DDX10: variants seen among roughly 807,000 people sequenced by gnomAD.
DDX10 encodes probable ATP-dependent RNA helicase DDX10.
DDX10 carries 74 observed loss-of-function variants against 104.3 expected under a neutral mutation model. The observed-to-expected ratio is 0.71, with a 90% CI of 0.59 to 0.86. DDX10 has a LOEUF of 0.86. DDX10 is among the 40% of genes least tolerant of loss of function. The pLI is 0.00. For synonymous variants in DDX10, 351 were observed against 353.4 expected (o/e 0.99, Z 0.08); for missense variants, 952 against 1,040.0 (o/e 0.92, Z 1.16).
At chr11:108,749,421 A>G (rs1225841900) in intron 13 of DDX10, among the ~76,000 whole-genome samples, 3 of 152,176 alleles carry the variant, frequency 2.0e-5, no homozygotes, top group Non-Finnish European at 2.9e-5. Context: ...TACTGACAAG[A>G]TGGTATGTTT....
intron 13 of DDX10, among the ~76,000 whole-genome samples, chr11:108,773,145 T>C (rs995816226): frequency 7.2e-5 from 11 of 152,352 alleles, no homozygotes; most frequent in Admixed American, 2.0e-4. Flanking sequence ...CTTTTATTAA[T>C]ACATATGATA....
chr11:108,906,924 TC>T (rs1863604092), intron 16 of DDX10, among the ~76,000 whole-genome samples: 1 of 152,134 alleles, frequency 6.6e-6, no homozygotes, highest in Non-Finnish European at 1.5e-5. Flanking sequence ...TGAATCAGAG[TC>T]CTTAACTGGC....
chr11:108,711,930 A>G (rs993010326), intron 10 of DDX10, among the ~76,000 whole-genome samples: 2 of 152,082 alleles, frequency 1.3e-5, no homozygotes, highest in Non-Finnish European at 1.5e-5. Flanking sequence ...ATAACAGTGG[A>G]TTCATCTTTC....
chr11:108,669,859 C>T (rs1335861427), intron 1 of DDX10, among the ~76,000 whole-genome samples: 1 of 152,136 alleles, frequency 6.6e-6, no homozygotes, highest in Non-Finnish European at 1.5e-5. Flanking sequence ...AAGAGGGTCA[C>T]CACCTAGGAA....
At chr11:108,913,184 G>A (rs995914994) in intron 16 of DDX10, among the ~76,000 whole-genome samples, 1 of 152,024 alleles carries the variant, frequency 6.6e-6, no homozygotes, top group African/African-American at 2.4e-5. Flanking sequence ...AGGTGGTCGG[G>A]GCACAGCTTG....
intron 3 of DDX10, among the ~76,000 whole-genome samples, chr11:108,676,569 C>G (rs949770294): frequency 2.0e-5 from 3 of 152,096 alleles, no homozygotes; most frequent in South Asian, 4.1e-4. Flanking sequence ...GCCTCAGCCT[C>G]CCAAGTAGCT....
At chr11:108,924,234 C>A (rs1038315277) in intron 17 of DDX10, among the ~76,000 whole-genome samples, 9 of 152,182 alleles carry the variant, frequency 5.9e-5, no homozygotes, top group Non-Finnish European at 1.3e-4. Flanking sequence ...TGATTCAACT[C>A]TTACTACCTT....
intron 16 of DDX10, among the ~76,000 whole-genome samples, chr11:108,886,517 C>G (rs1321228302): frequency 1.3e-5 from 2 of 152,100 alleles, no homozygotes; most frequent in African/African-American, 4.8e-5. Flanking sequence ...CTCCTATACC[C>G]CCTGGAAATC....
At chr11:108,736,637 A>C (rs889853052) in intron 13 of DDX10, among the ~76,000 whole-genome samples, 1 of 152,098 alleles carries the variant, frequency 6.6e-6, no homozygotes, top group Non-Finnish European at 1.5e-5. Context: ...CCCTTATAAA[A>C]AGGCTTCTTG....
intron 16 of DDX10, among the ~76,000 whole-genome samples, chr11:108,907,324 C>T (rs1041804292): frequency 3.6e-5 from 5 of 138,452 alleles, no homozygotes; most frequent in Non-Finnish European, 7.7e-5. Flanking sequence ...CAGCATCCTC[C>T]ATTGCCTCTT....
intron 11 of DDX10, among the ~76,000 whole-genome samples, chr11:108,717,583 A>T (rs963641776): frequency 6.6e-6 from 1 of 152,222 alleles, no homozygotes; most frequent in African/African-American, 2.4e-5. Context: ...AAGTGCTGGT[A>T]TTACAAGCGT....
Position 108,769,629 on chromosome 11 carries a change from T to A in DDX10, c.1965+46167T>A, listed in dbSNP as rs77140116. Among the ~76,000 whole-genome samples the A allele has an allele frequency of 2.0e-3, 299 of 152,238 alleles. 2 individuals are homozygous for A. The highest frequency in any genetic ancestry group is 4.4e-3 in the Admixed American group (67 of 15,286). The stretch of plus-strand genomic sequence containing the variant: ...ACAATGATAGGTTGTTTCCATTTTT[T>A]TGTATAATTTTGTATTATGAACTCA... On this transcript the variant is annotated intron_variant, in intron 13 of 17. Transcript: ENST00000322536.
chr11:108,713,339 A>G (rs540658379), intron 10 of DDX10, among the ~76,000 whole-genome samples: 1 of 152,132 alleles, frequency 6.6e-6, no homozygotes, highest in South Asian at 2.1e-4. Flanking sequence ...CACTTTTTGT[A>G]GTTGTTCCAT....
chr11:108,675,744 G>A lies in DDX10; in HGVS notation c.378+18G>A. ...TTGTTCCAGTAAGTACATTGTCATT[G>A]GGTCAGACTGTCTGTTATACAATTT... is the stretch of plus-strand genomic sequence containing the variant. On this transcript the variant is annotated intron_variant, in intron 3 of 17. Coordinates refer to ENST00000322536, the MANE Select transcript of DDX10 (RefSeq NM_004398.4). 6.2e-7 allele frequency: 1 copy of A among 1,612,956 alleles called. No individual in the cohort carries two copies. Among genetic ancestry groups the A allele is most frequent in the Non-Finnish European group, 8.5e-7 (1 of 1,179,630 alleles).
chr11:108,879,190 C>T (rs935719772), intron 16 of DDX10, among the ~76,000 whole-genome samples: 1 of 151,986 alleles, frequency 6.6e-6, no homozygotes, highest in Non-Finnish European at 1.5e-5. Context: ...TTAGTAGAGA[C>T]CGGGTTTCAC....
At chr11:108,773,187 A>G (rs1439788529) in intron 13 of DDX10, among the ~76,000 whole-genome samples, 1 of 152,240 alleles carries the variant, frequency 6.6e-6, no homozygotes, top group Non-Finnish European at 1.5e-5. Flanking sequence ...ACTTATTGTT[A>G]TGAACTTACG....
intron 13 of DDX10, among the ~76,000 whole-genome samples, chr11:108,774,089 T>TA (rs1312537198): frequency 6.6e-6 from 1 of 152,242 alleles, no homozygotes; most frequent in Non-Finnish European, 1.5e-5. Flanking sequence ...TAGTACTGTG[T>TA]AAGCAGTGGA....
At chr11:108,840,410 T>G (rs1489656670) in intron 14 of DDX10, among the ~76,000 whole-genome samples, 3 of 148,884 alleles carry the variant, frequency 2.0e-5, no homozygotes, top group Non-Finnish European at 4.5e-5. Flanking sequence ...AACTAATTAT[T>G]AGATAAAACA....
chr11:108,925,621 A>T (rs1591128507), intron 17 of DDX10, among the ~76,000 whole-genome samples: 1 of 152,160 alleles, frequency 6.6e-6, no homozygotes, highest in East Asian at 1.9e-4. Flanking sequence ...ACTTTCTATC[A>T]CTTGGTTACA....
Sources: allele counts gnomAD v4.1 joint callset (sites outside exome capture counted in the v4.1 genomes callset), GRCh38; gene constraint gnomAD v4.1.1; transcripts MANE v1.5; gene names NCBI Gene and HGNC (gene_info 2026-07-23, HGNC 2026-07-21).